The following ISM2 variants were observed in gnomAD, a reference collection of about 807,000 sequenced individuals.
ISM2 encodes isthmin-2.
ISM2 carries 50 observed loss-of-function variants against 58.0 expected under a neutral mutation model. The observed-to-expected ratio is 0.86, with a 90% CI of 0.69 to 1.09. The LOEUF (loss-of-function observed/expected upper bound fraction) is 1.09, where lower values mean the gene tolerates loss of function less well. Ranked by LOEUF, ISM2 falls within the 50% of genes least tolerant of loss-of-function variation. ISM2 has a pLI of 0.00. For missense variants in ISM2, 723 were observed against 745.0 expected (o/e 0.97, Z 0.34); for synonymous variants, 303 against 312.4 (o/e 0.97, Z 0.32).
intron 1 of ISM2, among the ~76,000 whole-genome samples, chr14:77,492,013 T>A (rs77364265): frequency 8.4e-4 from 127 of 150,826 alleles, no homozygotes; most frequent in South Asian, 7.4e-3. Context: ...TTTTTTTTTT[T>A]AAATAAAGAC....
chr14:77,481,809 A>G (rs1374551526), intron 4 of ISM2, among the ~76,000 whole-genome samples: 1 of 151,010 alleles, frequency 6.6e-6, no homozygotes, highest in Non-Finnish European at 1.5e-5. Context: ...GAAAAAAAGA[A>G]AAAAAAAAGG....
At chr14:77,487,789 AG>A (rs1161172268) in intron 1 of ISM2, among the ~76,000 whole-genome samples, 1 of 152,122 alleles carries the variant, frequency 6.6e-6, no homozygotes, top group East Asian at 1.9e-4. Context: ...GAGACAGGGA[AG>A]GGGAGGCGGC....
In ISM2 at chr14:77,482,406, G is replaced by A; in HGVS notation, c.889C>T (p.Leu297Phe). 1.2e-6 allele frequency: 2 copies of A among 1,614,176 alleles called. No homozygotes were observed. Among genetic ancestry groups the A allele is most frequent in the South Asian group, 1.1e-5 (1 of 91,084 alleles). Residue 297 changes from leucine to phenylalanine, a missense_variant, in exon 4 of 7, where the codon CTC (leucine) becomes TTC (phenylalanine). By Grantham distance (22) the Leu-to-Phe change is conservative (BLOSUM62 0). Coordinates refer to ENST00000342219, the MANE Select transcript of ISM2 (RefSeq NM_199296.3). Reference sequence around the variant, plus strand: ...TTGTCTGTAGTTCCATTGAACCAGAGCGCCTGCTCTTCCTCATCTTCCTCT... The same window carrying A: ...TTGTCTGTAGTTCCATTGAACCAGAACGCCTGCTCTTCCTCATCTTCCTCT... ...DKEEDEEEQA[L>F]WFNGTTDNWD...
chr14:77,493,228 T>C (rs1182605451), intron 1 of ISM2, among the ~76,000 whole-genome samples: 2 of 152,078 alleles, frequency 1.3e-5, no homozygotes, highest in African/African-American at 2.4e-5. Context: ...ACTCCTGAGC[T>C]CAAGTGATCC....
chr14:77,488,114 T>A (rs1436607251), intron 1 of ISM2, among the ~76,000 whole-genome samples: 2 of 152,322 alleles, frequency 1.3e-5, no homozygotes, highest in Non-Finnish European at 2.9e-5. Flanking sequence ...TTTTTCCAAC[T>A]CAAAGGTAAG....
intron 4 of ISM2, among the ~76,000 whole-genome samples, chr14:77,481,806 A>AG (rs2079133547): frequency 8.0e-6 from 1 of 124,372 alleles, no homozygotes; most frequent in Non-Finnish European, 1.9e-5. Flanking sequence ...TCAGAAAAAA[A>AG]GAAAAAAAAA....
chr14:77,479,957 C>G (rs1404689454), intron 4 of ISM2, among the ~76,000 whole-genome samples: 2 of 152,126 alleles, frequency 1.3e-5, no homozygotes, highest in African/African-American at 4.8e-5. Flanking sequence ...ACCCACCTGG[C>G]CTGAGCTATA....
intron 3 of ISM2, chr14:77,482,913 C>T (rs1020497235): frequency 7.6e-6 from 3 of 392,840 alleles, no homozygotes; most frequent in Admixed American, 1.0e-4. Context: ...CAGGTATGGA[C>T]TGAACTGGTC....
At position 77,484,808 on chromosome 14, in the gene ISM2, C is replaced by T; in HGVS notation, c.253G>A (p.Glu85Lys). The stretch of plus-strand genomic sequence containing the variant: ...TTGCCTGGGGTCATGGCTGCTGGCT[C>T]AGTGACAGTCCAGCATCCATGTTGG... ...PHQHGCWTVT[E>K]PAAMTPGNAT... Residue 85 changes from glutamate to lysine, a missense_variant, in exon 2 of 7, where the codon GAG becomes AAG. Transcript: ENST00000342219. 3.1e-6 allele frequency: 5 copies of T among 1,610,988 alleles called. No homozygotes were observed. The highest frequency in any genetic ancestry group is 4.2e-6 in the Non-Finnish European group (5 of 1,179,174).
chr14:77,475,864 C>T lies in ISM2; in HGVS notation c.1447G>A (p.Glu483Lys). Residue 483 changes from glutamate to lysine, a missense_variant, in exon 7 of 7, where the codon GAG (glutamate) becomes AAG (lysine). Physicochemically the swap from Glu to Lys is moderately conservative, Grantham distance 56 (BLOSUM62 1). Transcript: ENST00000342219. The surrounding 1 kb of genome is among the most constrained non-coding windows in gnomAD (Gnocchi z 4.1). ...TGCTGGGCGGCCAGTGTGCTGCTCT[C>T]CCCAGACAGCATGGAACGCAGGCAG... ...RFCLRSMLSG[E>K]SSTLAAQHCC... The T allele has an allele frequency of 2.5e-6, 4 of 1,608,706 alleles. No homozygotes were observed. The highest frequency in any genetic ancestry group is 2.2e-5 in the East Asian group (1 of 44,874).
chr14:77,493,710 C>T (rs1048827597), intron 1 of ISM2, among the ~76,000 whole-genome samples: 1 of 152,180 alleles, frequency 6.6e-6, no homozygotes, highest in Non-Finnish European at 1.5e-5. Context: ...GATCCACCTG[C>T]CTCGGCCTCC....
At chr14:77,489,693 C>T (rs903818137) in intron 1 of ISM2, among the ~76,000 whole-genome samples, 1 of 152,092 alleles carries the variant, frequency 6.6e-6, no homozygotes, top group Non-Finnish European at 1.5e-5. Flanking sequence ...TGGCACCCAG[C>T]GGAGGCTGCA....
Position 77,475,710 on chromosome 14 carries a change from T to C in ISM2, c.1601A>G (p.Lys534Arg), listed in dbSNP as rs1455351258. 1 of 1,614,080 alleles carries C rather than the reference T, an allele frequency of 6.2e-7. No individual in the cohort carries two copies. The change falls in exon 7 of 7, where the codon AAG becomes AGG. Residue 534 changes from lysine (K) to arginine (R), a missense_variant. Coordinates refer to ENST00000342219, the MANE Select transcript of ISM2 (RefSeq NM_199296.3). This position sits in a 1 kb window ranked among gnomAD's most constrained non-coding sequence, Gnocchi z 4.1. Reference protein sequence around the residue: ...KFDTTPWILCKGDWSRLHAVL... With the variant: ...KFDTTPWILCRGDWSRLHAVL... Reference sequence around the variant, plus strand: ...AGCGTGGAGGCGGCTCCAGTCCCCCTTGCACAGGATCCAGGGCGTCGTGTC... The same window carrying C: ...AGCGTGGAGGCGGCTCCAGTCCCCCCTGCACAGGATCCAGGGCGTCGTGTC...
chr14:77,475,636 C>A lies in ISM2; in HGVS notation c.1675G>T (p.Glu559Ter). Residue 559 changes from glutamate (E) to a stop codon, truncating the protein, a stop_gained, in exon 7 of 7, where the codon GAG becomes TAG. Coordinates refer to ENST00000342219, the MANE Select transcript of ISM2 (RefSeq NM_199296.3). LOFTEE classifies it high-confidence loss of function. The surrounding 1 kb of genome is among the most constrained non-coding windows in gnomAD (Gnocchi z 4.1). ...TCCTGCAACTGTGCTAGGTACTCCT[C>A]CTCCAGGGGGTTGTCGGTGCAGGCT... ...GRACTDNPLE[E>*]EYLAQLQEAK... The A allele has an allele frequency of 6.2e-7, 1 of 1,609,362 alleles. No homozygotes were observed. The highest frequency in any genetic ancestry group is 8.5e-7 in the Non-Finnish European group (1 of 1,177,422).
chr14:77,478,902 T>G (rs2079115139), intron 4 of ISM2, among the ~76,000 whole-genome samples, 187 bp from the exon 5 acceptor site: 1 of 152,130 alleles, frequency 6.6e-6, no homozygotes, highest in African/African-American at 2.4e-5. Context: ...CTGCAGTGAA[T>G]AACCTGTGCA....
intron 4 of ISM2, 41 bp from the exon 5 acceptor site, chr14:77,478,756 C>G: frequency 6.3e-7 from 1 of 1,588,438 alleles, no homozygotes; most frequent in Non-Finnish European, 8.6e-7. Context: ...GCATATAGCT[C>G]ACAGGGCAAA....
Position 77,482,008 on chromosome 14 carries a change from A to T in ISM2, c.973+314T>A, listed in dbSNP as rs142249388. Among the ~76,000 whole-genome samples the T allele has an allele frequency of 3.9e-3, 578 of 150,030 alleles. 2 individuals are homozygous for T. Among genetic ancestry groups the T allele is most frequent in the African/African-American group, 0.013 (544 of 40,742 alleles). On this transcript the variant is annotated intron_variant, in intron 4 of 6. Coordinates refer to ENST00000342219, the MANE Select transcript of ISM2 (RefSeq NM_199296.3). ...CCAGCTATTCGGAGGCTAAGGTGGG[A>T]GGGCTAAGGTGGGAGGATCGCTTGA...
chr14:77,497,376 A>G (rs1368396796), intron 1 of ISM2, among the ~76,000 whole-genome samples: 1 of 148,576 alleles, frequency 6.7e-6, no homozygotes, highest in African/African-American at 2.5e-5. Context: ...TCAAAAAAAA[A>G]AAAAAAAAAA....
chr14:77,485,608 C>G (rs2079162921), intron 1 of ISM2, among the ~76,000 whole-genome samples: 3 of 152,264 alleles, frequency 2.0e-5, no homozygotes, highest in Non-Finnish European at 4.4e-5. Context: ...TCTCTGACTC[C>G]TGTTCAGCAT....
Sources: allele counts gnomAD v4.1 joint callset (sites outside exome capture counted in the v4.1 genomes callset), GRCh38; gene constraint gnomAD v4.1.1; non-coding constraint Gnocchi (gnomAD v3.1); transcripts MANE v1.5; gene names NCBI Gene and HGNC (gene_info 2026-07-23, HGNC 2026-07-21).